The following PAM variants were observed in gnomAD, a reference collection of about 807,000 sequenced individuals.
PAM encodes peptidyl-glycine alpha-amidating monooxygenase.
A neutral mutation model predicts 122.1 loss-of-function variants in PAM; 72 were observed. That is an observed-to-expected ratio of 0.59 (90% CI 0.49 to 0.72). The LOEUF (loss-of-function observed/expected upper bound fraction) is 0.72, where lower values mean the gene tolerates loss of function less well. PAM is among the 30% of genes least tolerant of loss of function. The pLI, the probability that PAM is intolerant of heterozygous loss-of-function variation, is 0.00. For synonymous variants in PAM, 389 were observed against 404.4 expected, an observed-to-expected ratio of 0.96 and a Z score of 0.46; for missense variants, 1,106 against 1,183.7, an observed-to-expected ratio of 0.93 and a Z score of 0.96.
chr5:102,883,868 T>A (rs1008747466), intron 3 of PAM, among the ~76,000 whole-genome samples: 2 of 151,964 alleles, frequency 1.3e-5, no homozygotes, highest in Non-Finnish European at 2.9e-5. Context: ...ATGGCTTTTA[T>A]TAATTTAAGA....
At chr5:102,769,760 T>A (rs548653762) in intron 1 of PAM, among the ~76,000 whole-genome samples, 1 of 152,260 alleles carries the variant, frequency 6.6e-6, no homozygotes, top group South Asian at 2.1e-4. Flanking sequence ...TAGAGCTGTG[T>A]GGTATAATTT....
chr5:102,766,315 C>G (rs1183891696), intron 1 of PAM, among the ~76,000 whole-genome samples: 1 of 152,182 alleles, frequency 6.6e-6, no homozygotes, highest in Admixed American at 6.5e-5. Context: ...AGCTTGCTTT[C>G]CTGCATCTTG....
intron 1 of PAM, among the ~76,000 whole-genome samples, chr5:102,849,677 A>T (rs796737289): frequency 2.1e-4 from 32 of 152,346 alleles, no homozygotes; most frequent in African/African-American, 7.5e-4. Flanking sequence ...TATTAATTTA[A>T]CCAAAAATTG....
intron 16 of PAM, among the ~76,000 whole-genome samples, chr5:102,999,943 A>G (rs1023907624): frequency 6.6e-6 from 1 of 152,238 alleles, no homozygotes. Flanking sequence ...TGTTTTGACA[A>G]GTAACTTTTG....
At chr5:102,912,060 T>G (rs1051078850) in intron 4 of PAM, among the ~76,000 whole-genome samples, 2 of 152,040 alleles carry the variant, frequency 1.3e-5, no homozygotes, top group Non-Finnish European at 2.9e-5. Context: ...CCACCTGAAT[T>G]TTTAGCGGGT....
chr5:102,968,161 A>T (rs1764687168), intron 14 of PAM, among the ~76,000 whole-genome samples: 1 of 152,210 alleles, frequency 6.6e-6, no homozygotes, highest in South Asian at 2.1e-4. Flanking sequence ...TAAAGAATAA[A>T]CCTAGCACTT....
intron 1 of PAM, among the ~76,000 whole-genome samples, chr5:102,853,965 C>A (rs1446000106): frequency 6.6e-6 from 1 of 152,168 alleles, no homozygotes; most frequent in Non-Finnish European, 1.5e-5. Context: ...TTCAGCTTAG[C>A]CTTTATGTAT....
At chr5:102,977,459 A>AT (rs1021851646) in intron 15 of PAM, among the ~76,000 whole-genome samples, 2 of 151,902 alleles carry the variant, frequency 1.3e-5, no homozygotes, top group African/African-American at 2.4e-5. Context: ...TGCGAATAGC[A>AT]TTTTTTTTAG....
intron 1 of PAM, among the ~76,000 whole-genome samples, chr5:102,835,639 G>A (rs1208905868): frequency 6.6e-6 from 1 of 151,738 alleles, no homozygotes; most frequent in African/African-American, 2.4e-5. Context: ...ATACAGGGTT[G>A]CCTTATACAT....
At chr5:102,771,377 G>A (rs1385404705) in intron 1 of PAM, among the ~76,000 whole-genome samples, 2 of 152,060 alleles carry the variant, frequency 1.3e-5, no homozygotes, top group Admixed American at 6.6e-5. Context: ...TTTGCCAAGT[G>A]GGAATGAAAT....
rs188798945 is a variant in PAM at position 102,757,263 on chromosome 5, G to A, written c.-374+1915G>A. On this transcript the variant is annotated intron_variant, in intron 1 of 25. Coordinates refer to ENST00000438793, the MANE Select transcript of PAM (RefSeq NM_001177306.2). ...AATCGCTTGAACCTGGGAGGTGGAG[G>A]TTTCAGTGAGCTGAGATCACTCCAC... Among the ~76,000 whole-genome samples the A allele has an allele frequency of 9.4e-3, 1,425 of 152,084 alleles. 11 individuals carry two copies. The highest frequency in any genetic ancestry group is 0.013 in the Non-Finnish European group (863 of 67,996).
At chr5:102,806,784 T>G (rs1766349824) in intron 1 of PAM, among the ~76,000 whole-genome samples, 1 of 152,222 alleles carries the variant, frequency 6.6e-6, no homozygotes, top group South Asian at 2.1e-4. Flanking sequence ...TTTACTGTTT[T>G]GCTTTCAGAA....
At chr5:102,970,006 T>C (rs1001069892) in intron 14 of PAM, among the ~76,000 whole-genome samples, 2 of 152,044 alleles carry the variant, frequency 1.3e-5, no homozygotes, top group Non-Finnish European at 2.9e-5. Context: ...AAGAACAACA[T>C]TATAAGGAGA....
chr5:102,836,867 AG>A (rs1777219377), intron 1 of PAM, among the ~76,000 whole-genome samples: 1 of 150,298 alleles, frequency 6.7e-6, no homozygotes, highest in Non-Finnish European at 1.5e-5. Flanking sequence ...ACCGAGAGAG[AG>A]AGAGAGAGAG....
At chr5:102,992,162 C>A (rs946559858) in intron 16 of PAM, among the ~76,000 whole-genome samples, 2 of 152,048 alleles carry the variant, frequency 1.3e-5, no homozygotes, top group Non-Finnish European at 2.9e-5. Context: ...ATCTAGGTAA[C>A]CAGGATCCTG....
intron 1 of PAM, among the ~76,000 whole-genome samples, chr5:102,779,918 T>TATACACACACACAC (rs147065045): frequency 1.4e-3 from 133 of 95,644 alleles, no homozygotes; most frequent in African/African-American, 5.9e-3. Context: ...TATATATATA[T>TATACACACACACAC]ACACACATAT....
intron 16 of PAM, among the ~76,000 whole-genome samples, chr5:102,998,382 G>T (rs1027679190): frequency 1.3e-5 from 2 of 152,156 alleles, no homozygotes; most frequent in African/African-American, 4.8e-5. Flanking sequence ...AATTATGTGT[G>T]CTGAGGTCTA....
intron 7 of PAM, among the ~76,000 whole-genome samples, chr5:102,936,400 G>A (rs1402398295): frequency 6.6e-6 from 1 of 152,112 alleles, no homozygotes; most frequent in East Asian, 1.9e-4. Context: ...TCCAGGATTT[G>A]CAGACTGTTA....
At chr5:102,777,094 A>G (rs1161799050) in intron 1 of PAM, among the ~76,000 whole-genome samples, 1 of 152,118 alleles carries the variant, frequency 6.6e-6, no homozygotes, top group East Asian at 1.9e-4. Context: ...TTTTCTAAAC[A>G]TGGGACTTTA....
Sources: allele counts gnomAD v4.1 joint callset (sites outside exome capture counted in the v4.1 genomes callset), GRCh38; gene constraint gnomAD v4.1.1; transcripts MANE v1.5; gene names NCBI Gene and HGNC (gene_info 2026-07-23, HGNC 2026-07-21).